Variants in CFAP57 observed in about 807,000 individuals in gnomAD.
CFAP57 encodes the protein cilia and flagella associated protein 57.
In CFAP57, 116 loss-of-function variants were observed where a neutral mutation model predicts 146.8. The observed-to-expected ratio is 0.79, with a 90% CI of 0.68 to 0.92. CFAP57 has a LOEUF of 0.92. Among genes scored for constraint, CFAP57 ranks in the 40% least tolerant of loss-of-function variants. The pLI is 0.00. For missense variants in CFAP57, 1,377 were observed against 1,527.2 expected (o/e 0.90, Z 1.64); for synonymous variants, 518 against 552.8 (o/e 0.94, Z 0.88).
At chr1:43,184,740 C>CTTTTTTTTTT (rs57644418) in intron 4 of CFAP57, 1 of 101,324 alleles carries the variant, frequency 9.9e-6, no homozygotes, top group Non-Finnish European at 1.8e-5. Context: ...ATGGCATATC[C>CTTTTTTTTTT]TTTTTTTTTT....
At chr1:43,197,435 C>A in intron 6 of CFAP57, 118 bp from the exon 7 acceptor site, 2 of 1,229,096 alleles carry the variant, frequency 1.6e-6, no homozygotes, top group Non-Finnish European at 1.2e-6. Context: ...ACAGTTTAGC[C>A]ACAGCCTGAT....
At chr1:43,220,389 C>A (rs1417357795) in intron 13 of CFAP57, among the ~76,000 whole-genome samples, 8 of 152,180 alleles carry the variant, frequency 5.3e-5, no homozygotes, top group Non-Finnish European at 1.2e-4. Context: ...GTCTGGGACT[C>A]TCCCAGATTC....
At chr1:43,173,259 A>G (rs1236273159) in intron 2 of CFAP57, among the ~76,000 whole-genome samples, 2 of 152,186 alleles carry the variant, frequency 1.3e-5, no homozygotes, top group Non-Finnish European at 2.9e-5. Flanking sequence ...CACCACCTTC[A>G]TTATATCACC....
At chr1:43,235,056 A>G (rs547991425) in intron 21 of CFAP57, among the ~76,000 whole-genome samples, 1 of 145,816 alleles carries the variant, frequency 6.9e-6, no homozygotes, top group South Asian at 2.2e-4. Context: ...TCCATTCCCA[A>G]CTCTCATTTC....
chr1:43,191,612 A>G (rs1392909959), intron 6 of CFAP57, among the ~76,000 whole-genome samples: 3 of 135,572 alleles, frequency 2.2e-5, no homozygotes, highest in African/African-American at 7.8e-5. Context: ...AAAAAGTAAT[A>G]TTCCCTCCTT....
At chr1:43,194,652 G>A (rs541892404) in intron 6 of CFAP57, 1 of 151,852 alleles carries the variant, frequency 6.6e-6, no homozygotes, top group Non-Finnish European at 1.5e-5. Context: ...TTTCCTCTCT[G>A]TTCTTCAAAT....
At chr1:43,181,886 A>G (rs772109903) in intron 3 of CFAP57, 36 bp downstream of exon 3, 2 of 1,604,802 alleles carry the variant, frequency 1.2e-6, no homozygotes, top group South Asian at 1.1e-5. Context: ...TGAAAATTAT[A>G]AAAAATAGAA....
In CFAP57 at chr1:43,181,689, T is replaced by G; in HGVS notation, c.313T>G (p.Phe105Val). 6.2e-7 allele frequency: 1 copy of G among 1,614,224 alleles called. No homozygotes were observed. Among genetic ancestry groups the G allele is most frequent in the Non-Finnish European group, 8.5e-7 (1 of 1,180,044 alleles). The stretch of plus-strand genomic sequence containing the variant: ...GCGCAAAGTTCTTAATAATTTTGAC[T>G]TCCAAGTTCAGAAATTTATTAGCAT... ...RKRKVLNNFD[F>V]QVQKFISMAF... Residue 105 changes from phenylalanine (F) to valine (V), a missense_variant, in exon 3 of 23, where the codon TTC becomes GTC. Transcript: ENST00000372492.
At chr1:43,177,853 T>C (rs1003182594) in intron 2 of CFAP57, among the ~76,000 whole-genome samples, 2 of 152,232 alleles carry the variant, frequency 1.3e-5, no homozygotes, top group African/African-American at 4.8e-5. Context: ...CCTCCTGCTG[T>C]GTAGCCCAGC....
intron 15 of CFAP57, 82 bp downstream of exon 15, chr1:43,222,377 G>A (rs868749828): frequency 1.6e-6 from 2 of 1,235,206 alleles, no homozygotes; most frequent in Middle Eastern, 2.5e-4. Flanking sequence ...CATAGCCACT[G>A]TATGCCAGGA....
intron 22 of CFAP57, among the ~76,000 whole-genome samples, chr1:43,245,413 AG>A (rs1003062128): frequency 1.8e-4 from 27 of 152,164 alleles, no homozygotes; most frequent in African/African-American, 6.3e-4. Flanking sequence ...TGATATAGCC[AG>A]GGTCTTCATA....
At chr1:43,209,588 AG>A (rs1003078995) in intron 10 of CFAP57, among the ~76,000 whole-genome samples, 154 bp from the exon 11 acceptor site, 4 of 152,138 alleles carry the variant, frequency 2.6e-5, no homozygotes, top group African/African-American at 4.8e-5. Context: ...TTTTTGTGCT[AG>A]GCACTATACC....
At chr1:43,172,562 C>T (rs1159287657) in intron 1 of CFAP57, 109 bp downstream of exon 1, 1 of 407,460 alleles carries the variant, frequency 2.5e-6, no homozygotes, top group Non-Finnish European at 3.9e-6. Flanking sequence ...AGGAGGACCC[C>T]GGGGGAGGGG....
chr1:43,230,312 CT>C (rs750710830), intron 18 of CFAP57, among the ~76,000 whole-genome samples: 85 of 152,212 alleles, frequency 5.6e-4, no homozygotes, highest in Admixed American at 3.1e-3. Context: ...TATCATCTGC[CT>C]CCTCAGCCAA....
rs1372528621 is a variant in CFAP57, at chr1:43,224,117, G to A, written c.2778G>A (p.Lys926=). 1 of 1,550,592 alleles carries A rather than the reference G, an allele frequency of 6.4e-7. No individual in the cohort carries two copies. The highest frequency in any genetic ancestry group is 1.4e-5 in the African/African-American group (1 of 73,170). Residue 926 remains lysine, a synonymous_variant, in exon 17 of 23, where the codon AAG becomes AAA. Transcript: ENST00000372492. ...AGACCCTAAAAGGAGAGCAGATGAA[G>A]CTGCAAGGAGTCATTAAGTCTCTGG... The part of the protein sequence containing the change: ...DIETLKGEQM[K]LQGVIKSLEK...
In CFAP57 at chr1:43,215,341, C is replaced by T; in HGVS notation, c.2016C>T (p.Gly672=). 1.3e-6 allele frequency: 2 copies of T among 1,551,218 alleles called. No individual in the cohort carries two copies. Among genetic ancestry groups the T allele is most frequent in the South Asian group, 1.2e-5 (1 of 84,062 alleles). The change falls in exon 12 of 23, where the codon GGC becomes GGT. Residue 672 remains glycine, a synonymous_variant. Coordinates refer to ENST00000372492, the MANE Select transcript of CFAP57 (RefSeq NM_001378189.1). ...LFTWKVFDKD[G]RGIKREREVG... ...CCTGGAAGGTCTTTGATAAGGATGGCCGGGGAATCAAGCGAGAGAGGGAGG... is the reference window on the plus strand; with the variant it reads ...CCTGGAAGGTCTTTGATAAGGATGGTCGGGGAATCAAGCGAGAGAGGGAGG...
intron 12 of CFAP57, 125 bp downstream of exon 12, chr1:43,215,541 T>G: frequency 9.1e-7 from 1 of 1,102,154 alleles, no homozygotes; most frequent in Non-Finnish European, 1.3e-6. Context: ...CCCCCACGGC[T>G]CCCTGCACAT....
intron 12 of CFAP57, 28 bp from the exon 13 acceptor site, chr1:43,219,354 T>C (rs1644957397): frequency 6.5e-7 from 1 of 1,540,704 alleles, no homozygotes; most frequent in African/African-American, 1.4e-5. Flanking sequence ...CTGTCAGTGT[T>C]CTTGATCCTT....
intron 11 of CFAP57, among the ~76,000 whole-genome samples, chr1:43,213,555 T>G (rs1041161540): frequency 2.0e-5 from 3 of 152,084 alleles, no homozygotes; most frequent in African/African-American, 4.8e-5. Flanking sequence ...TTTCCTTTCC[T>G]TTAGAAAAGT....
Sources: allele counts gnomAD v4.1 joint callset (sites outside exome capture counted in the v4.1 genomes callset), GRCh38; gene constraint gnomAD v4.1.1; transcripts MANE v1.5; gene names NCBI Gene and HGNC (gene_info 2026-07-23, HGNC 2026-07-21).